Variants in LPIN1 observed in about 807,000 individuals in gnomAD.
The protein encoded by LPIN1 is lipin 1.
A neutral mutation model predicts 107.5 loss-of-function variants in LPIN1; 71 were observed. The observed-to-expected ratio is 0.66, with a 90% CI of 0.55 to 0.80. LPIN1 has a LOEUF of 0.80. Ranked by LOEUF, LPIN1 falls within the 30% of genes least tolerant of loss-of-function variation. The probability of loss-of-function intolerance (pLI) is 0.00; values close to 1 mark genes in which losing one functional copy is unlikely to be tolerated. For missense variants in LPIN1, 1,043 were observed against 1,160.6 expected, an observed-to-expected ratio of 0.90 and a Z score of 1.47; for synonymous variants, 445 against 452.6, an observed-to-expected ratio of 0.98 and a Z score of 0.21.
At chr2:11,714,104 TG>T (rs1401559761) in intron 2 of LPIN1, among the ~76,000 whole-genome samples, 11 of 152,376 alleles carry the variant, frequency 7.2e-5, no homozygotes, top group African/African-American at 2.6e-4. Context: ...AAGCCTTCAA[TG>T]GCTCCCCAGT....
chr2:11,796,872 T>A (rs879845825), intron 14 of LPIN1, among the ~76,000 whole-genome samples: 6 of 152,140 alleles, frequency 3.9e-5, no homozygotes, highest in Non-Finnish European at 7.4e-5. Context: ...GCAGTCGACA[T>A]TGGAGTCAGG....
At chr2:11,702,289 C>T (rs1389495922) in intron 1 of LPIN1, among the ~76,000 whole-genome samples, 1 of 152,204 alleles carries the variant, frequency 6.6e-6, no homozygotes, top group African/African-American at 2.4e-5. Context: ...TGAATAATTT[C>T]AGTGGGTTCC....
At chr2:11,798,116 G>A (rs1413883312) in intron 14 of LPIN1, among the ~76,000 whole-genome samples, 3 of 152,180 alleles carry the variant, frequency 2.0e-5, no homozygotes, top group African/African-American at 7.2e-5. Context: ...GAAGGCACCT[G>A]CTTTTCCTTT....
Position 11,820,522 on chromosome 2 carries a change from T to C in LPIN1, c.2621+8T>C. On this transcript the variant is annotated splice_region_variant and intron_variant, in intron 20 of 20. Coordinates refer to ENST00000674199, the MANE Select transcript of LPIN1 (RefSeq NM_001349206.2). Reference sequence around the variant, plus strand: ...AAAGACCAACATCTCTTCGTGAGTATTGTACACATTTTATGTGATTATGAT... The same window carrying C: ...AAAGACCAACATCTCTTCGTGAGTACTGTACACATTTTATGTGATTATGAT... 3.2e-6 allele frequency: 5 copies of C among 1,576,550 alleles called. No homozygotes were observed. The highest frequency in any genetic ancestry group is 4.4e-6 in the Non-Finnish European group (5 of 1,145,716).
At chr2:11,755,962 C>T (rs1200764671) in intron 1 of LPIN1, among the ~76,000 whole-genome samples, 1 of 152,174 alleles carries the variant, frequency 6.6e-6, no homozygotes, top group Non-Finnish European at 1.5e-5. Flanking sequence ...ACCTCATGAT[C>T]TGCCCGCCTT....
At chr2:11,759,393 C>T (rs1423451662) in intron 1 of LPIN1, among the ~76,000 whole-genome samples, 2 of 150,706 alleles carry the variant, frequency 1.3e-5, no homozygotes, top group East Asian at 2.0e-4. Flanking sequence ...TCTTAACGAG[C>T]CTGCTGCCTT....
chr2:11,754,696 CGTT>C (rs1349372127), intron 1 of LPIN1, among the ~76,000 whole-genome samples: 4 of 152,114 alleles, frequency 2.6e-5, no homozygotes, highest in Non-Finnish European at 4.4e-5. Context: ...CCAAACTAGT[CGTT>C]GTGTTGACCA....
intron 11 of LPIN1, among the ~76,000 whole-genome samples, chr2:11,787,804 G>C (rs566442913): frequency 3.7e-4 from 57 of 152,044 alleles, no homozygotes; most frequent in African/African-American, 1.2e-3. Context: ...AGCTGGGCGC[G>C]GTGGCGGGCG....
At chr2:11,734,800 G>A (rs2148550323) in intron 1 of LPIN1, among the ~76,000 whole-genome samples, 1 of 152,296 alleles carries the variant, frequency 6.6e-6, no homozygotes, top group African/African-American at 2.4e-5. Context: ...AATTTACAGT[G>A]ACATGTATAC....
chr2:11,732,598 C>T (rs1643599374), intron 1 of LPIN1, among the ~76,000 whole-genome samples: 1 of 152,150 alleles, frequency 6.6e-6, no homozygotes, highest in African/African-American at 2.4e-5. Flanking sequence ...TATTCCAAAG[C>T]AGTATTCAAT....
chr2:11,754,456 G>A (rs1396818618), intron 1 of LPIN1, among the ~76,000 whole-genome samples: 1 of 152,212 alleles, frequency 6.6e-6, no homozygotes, highest in East Asian at 1.9e-4. Flanking sequence ...ACCCAGGAGG[G>A]TGTTTCGGCC....
chr2:11,784,303 CAAAA>C (rs71394768), intron 9 of LPIN1: 243 of 825,400 alleles, frequency 2.9e-4, no homozygotes, highest in East Asian at 1.8e-3. Context: ...GACTCCATCT[CAAAA>C]AAAAAAAAAA....
chr2:11,694,532 T>C (rs191542748), intron 1 of LPIN1, among the ~76,000 whole-genome samples: 1 of 152,330 alleles, frequency 6.6e-6, no homozygotes, highest in Non-Finnish European at 1.5e-5. Context: ...AATCCTGGGC[T>C]GGTTTCCTTC....
At chr2:11,687,648 A>T (rs540478096) in intron 1 of LPIN1, among the ~76,000 whole-genome samples, 3 of 152,262 alleles carry the variant, frequency 2.0e-5, no homozygotes, top group Non-Finnish European at 4.4e-5. Flanking sequence ...GGTTTTGACC[A>T]GGCCTGCAAT....
At chr2:11,797,440 G>A (rs960085961) in intron 14 of LPIN1, among the ~76,000 whole-genome samples, 1 of 152,242 alleles carries the variant, frequency 6.6e-6, no homozygotes, top group African/African-American at 2.4e-5. Context: ...TACAGTTTCT[G>A]TTGGCTGAAT....
chr2:11,820,336 C>A, intron 19 of LPIN1, 75 bp from the exon 20 acceptor site: 2 of 968,448 alleles, frequency 2.1e-6, no homozygotes, highest in East Asian at 2.5e-5. Context: ...CTCATCAAAT[C>A]AGAAATACCA....
exon 2 of LPIN1, chr2:11,713,783 A>T: frequency 6.6e-7 from 1 of 1,523,566 alleles, no homozygotes; most frequent in Non-Finnish European, 8.8e-7. Context: ...CCCTGGGTGG[A>T]TTCGAAATGT....
chr2:11,677,728 G>T, exon 1 of LPIN1: 3 of 1,535,588 alleles, frequency 2.0e-6, no homozygotes, highest in Middle Eastern at 1.7e-4. Context: ...CTTGGTCATG[G>T]GTAAGGGCCG....
intron 10 of LPIN1, among the ~76,000 whole-genome samples, chr2:11,785,867 G>A (rs947988395): frequency 3.9e-5 from 6 of 152,156 alleles, no homozygotes; most frequent in Non-Finnish European, 8.8e-5. Flanking sequence ...TTGTTCTCAC[G>A]CCCGTGCCAG....
Sources: allele counts gnomAD v4.1 joint callset (sites outside exome capture counted in the v4.1 genomes callset), GRCh38; gene constraint gnomAD v4.1.1; transcripts MANE v1.5; gene names NCBI Gene and HGNC (gene_info 2026-07-23, HGNC 2026-07-21).